The following H2BC15 variants were observed in gnomAD, a reference collection of about 807,000 sequenced individuals.
H2BC15 encodes the protein histone H2B type 1-N.
H2BC15 carries 5 observed loss-of-function variants against 6.6 expected under a neutral mutation model. The observed-to-expected ratio is 0.75, with a 90% confidence interval of 0.39 to 1.59. H2BC15 has a LOEUF of 1.59. H2BC15 is among the 40% of genes most tolerant of loss of function. H2BC15 has a pLI of 0.02. For synonymous variants in H2BC15, 87 were observed against 75.2 expected (o/e 1.16, Z -0.81); for missense variants, 148 against 169.4 (o/e 0.87, Z 0.70).
chr6:27,838,949 G>C lies in H2BC15; in HGVS notation c.288G>C (p.Gln96His), dbSNP rs1761094529. ...CGACCATCACCTCCAGGGAGATCCA[G>C]ACGGCCGTGCGCCTGCTGCTGCCAG... ...KRSTITSREI[Q>H]TAVRLLLPGE... The change falls in exon 1 of 1, where the codon CAG (glutamine) becomes CAC (histidine). Residue 96 changes from glutamine (Q) to histidine (H), a missense_variant. Gln to His is a conservative substitution (Grantham distance 24, BLOSUM62 0). Transcript: ENST00000612898. 1 of 1,614,258 alleles carries C rather than the reference G, an allele frequency of 6.2e-7. No individual in the cohort carries two copies. The highest frequency in any genetic ancestry group is 2.2e-5 in the East Asian group (1 of 44,888).
rs1395196951 is a variant in H2BC15, at chr6:27,839,078, C to G, written c.*36C>G. Reference sequence around the variant, plus strand: ...CGCGGAACGTTCGGTCAGTCTCGGCCCACACCCCAAAGGCTCTTTTCAGAG... The same window carrying G: ...CGCGGAACGTTCGGTCAGTCTCGGCGCACACCCCAAAGGCTCTTTTCAGAG... On this transcript the variant is annotated 3_prime_UTR_variant, in exon 1 of 1. Transcript: ENST00000612898. 1 of 1,608,764 alleles carries G rather than the reference C, an allele frequency of 6.2e-7. No homozygotes were observed. Among genetic ancestry groups the G allele is most frequent in the Admixed American group, 1.7e-5 (1 of 59,376 alleles).
At position 27,839,065 on chromosome 6, in the gene H2BC15, G is replaced by A; in HGVS notation, c.*23G>A. ...TGAGCCCGCCCACCGCGGAACGTTCGGTCAGTCTCGGCCCACACCCCAAAG... is the reference window on the plus strand; with the variant it reads ...TGAGCCCGCCCACCGCGGAACGTTCAGTCAGTCTCGGCCCACACCCCAAAG... On this transcript the variant is annotated 3_prime_UTR_variant, in exon 1 of 1. Coordinates refer to ENST00000612898, the MANE Select transcript of H2BC15 (RefSeq NM_003520.4). 2.5e-6 allele frequency: 4 copies of A among 1,612,130 alleles called. No homozygotes were observed. Among genetic ancestry groups the A allele is most frequent in the African/African-American group, 1.3e-5 (1 of 75,056 alleles).
At position 27,838,644 on chromosome 6, in the gene H2BC15, C is replaced by T. The variant is rs1340054889; in HGVS notation, c.-18C>T. 1.9e-6 allele frequency: 3 copies of T among 1,609,802 alleles called. No homozygotes were observed. Among genetic ancestry groups the T allele is most frequent in the Non-Finnish European group, 2.5e-6 (3 of 1,178,228 alleles). ...TTCCTGTTTTTTTCCTCCAATTTTC[C>T]GGCAGTTACTCCCAGTCATGCCCGA... On this transcript the variant is annotated 5_prime_UTR_variant, in exon 1 of 1. Coordinates refer to ENST00000612898, the MANE Select transcript of H2BC15 (RefSeq NM_003520.4).
chr6:27,838,939 G>C lies in H2BC15; in HGVS notation c.278G>C (p.Arg93Thr). The C allele has an allele frequency of 6.2e-7, 1 of 1,614,238 alleles. No homozygotes were observed. Among genetic ancestry groups the C allele is most frequent in the Non-Finnish European group, 8.5e-7 (1 of 1,180,036 alleles). ...AACAAGCGCTCGACCATCACCTCCA[G>C]GGAGATCCAGACGGCCGTGCGCCTG... ...HYNKRSTITS[R>T]EIQTAVRLLL... Residue 93 changes from arginine (R) to threonine (T), a missense_variant, in exon 1 of 1, where the codon AGG becomes ACG. Transcript: ENST00000612898.
At position 27,838,969 on chromosome 6, in the gene H2BC15, TGCCAGGGGAGCTG is replaced by T; in HGVS notation, c.313_325del (p.Gly105SerfsTer?). The T allele has an allele frequency of 6.2e-7, 1 of 1,614,228 alleles. No homozygotes were observed. The highest frequency in any genetic ancestry group is 8.5e-7 in the Non-Finnish European group (1 of 1,180,034). On this transcript the variant is annotated frameshift_variant, in exon 1 of 1. Coordinates refer to ENST00000612898, the MANE Select transcript of H2BC15 (RefSeq NM_003520.4). LOFTEE classifies it high-confidence loss of function. ...ATCCAGACGGCCGTGCGCCTGCTGC[TGCCAGGGGAGCTG>T]GCCAAGCACGCGGTGTCGGAGGGCA...
In H2BC15 at chr6:27,838,574, C is replaced by A. The variant is rs141058151; in HGVS notation, c.-88C>A. Reference sequence around the variant, plus strand: ...ACAACTTCATTCTCTACCCCACTTGCGTTAAGAAGCAGTGAATAAGCGGTA... The same window carrying A: ...ACAACTTCATTCTCTACCCCACTTGAGTTAAGAAGCAGTGAATAAGCGGTA... On this transcript the variant is annotated 5_prime_UTR_variant, in exon 1 of 1. Coordinates refer to ENST00000612898, the MANE Select transcript of H2BC15 (RefSeq NM_003520.4). The A allele has an allele frequency of 5.8e-6, 9 of 1,557,708 alleles. No homozygotes were observed. Among genetic ancestry groups the A allele is most frequent in the Non-Finnish European group, 7.8e-6 (9 of 1,151,916 alleles).
chr6:27,838,683 G>C lies in H2BC15; in HGVS notation c.22G>C (p.Ala8Pro). 1 of 1,613,998 alleles carries C rather than the reference G, an allele frequency of 6.2e-7. No individual in the cohort carries two copies. The highest frequency in any genetic ancestry group is 8.5e-7 in the Non-Finnish European group (1 of 1,179,976). ...AGTCATGCCCGAGCCCTCAAAGTCC[G>C]CTCCTGCCCCGAAGAAAGGCTCCAA... MPEPSKSAPAPKKGSKKA... is the reference protein window; with the variant it reads MPEPSKSPPAPKKGSKKA... Residue 8 changes from alanine (A) to proline (P), a missense_variant, in exon 1 of 1, where the codon GCT (alanine) becomes CCT (proline). Ala to Pro is a conservative substitution (Grantham distance 27). This residue lies in a region of H2BC15 where 90 missense variants were observed against 74.7 expected (regional missense o/e 1.20). Transcript: ENST00000612898.
In H2BC15 at chr6:27,838,655, C is replaced by G. The variant is rs1340712490; in HGVS notation, c.-7C>G. The G allele has an allele frequency of 3.7e-6, 6 of 1,612,902 alleles. No homozygotes were observed. The highest frequency in any genetic ancestry group is 1.1e-5 in the South Asian group (1 of 91,022). On this transcript the variant is annotated 5_prime_UTR_variant, in exon 1 of 1. Coordinates refer to ENST00000612898, the MANE Select transcript of H2BC15 (RefSeq NM_003520.4). The stretch of plus-strand genomic sequence containing the variant: ...TTCCTCCAATTTTCCGGCAGTTACT[C>G]CCAGTCATGCCCGAGCCCTCAAAGT...
At position 27,839,027 on chromosome 6, in the gene H2BC15, C is replaced by T. The variant is rs1363889984; in HGVS notation, c.366C>T (p.Tyr122=). ...VSEGTKAVTK[Y]TSSK ...AGGGCACCAAGGCCGTCACCAAGTACACCAGTTCCAAGTGAGCCCGCCCAC... is the reference window on the plus strand; with the variant it reads ...AGGGCACCAAGGCCGTCACCAAGTATACCAGTTCCAAGTGAGCCCGCCCAC... The change falls in exon 1 of 1, where the codon TAC becomes TAT. Residue 122 remains tyrosine (Y), a synonymous_variant. Transcript: ENST00000612898. The T allele has an allele frequency of 6.2e-7, 1 of 1,614,134 alleles. No individual in the cohort carries two copies. The highest frequency in any genetic ancestry group is 2.2e-5 in the East Asian group (1 of 44,886).
rs1174364622 is a variant in H2BC15, at chr6:27,838,759, G to T, written c.98G>T (p.Ser33Ile). 6.2e-7 allele frequency: 1 copy of T among 1,614,258 alleles called. No individual in the cohort carries two copies. ...QKKDGKKRKR[S>I]RKESYSVYVY... is the part of the protein sequence containing the mutation. ...AAGGACGGCAAGAAGCGCAAGCGCA[G>T]CCGCAAGGAGAGCTACTCCGTGTAC... Residue 33 changes from serine to isoleucine, a missense_variant, in exon 1 of 1, where the codon AGC (serine) becomes ATC (isoleucine). Physicochemically the swap from Ser to Ile is moderately radical, Grantham distance 142 (BLOSUM62 -2). This residue lies in a region of H2BC15 where 90 missense variants were observed against 74.7 expected (regional missense o/e 1.20). Coordinates refer to ENST00000612898, the MANE Select transcript of H2BC15 (RefSeq NM_003520.4).
In H2BC15 at chr6:27,838,967, G is replaced by A. The variant is rs370870061; in HGVS notation, c.306G>A (p.Leu102=). The part of the protein sequence containing the change: ...SREIQTAVRL[L]LPGELAKHAV... ...AGATCCAGACGGCCGTGCGCCTGCT[G>A]CTGCCAGGGGAGCTGGCCAAGCACG... Residue 102 remains leucine, a synonymous_variant, in exon 1 of 1, where the codon CTG becomes CTA. Coordinates refer to ENST00000612898, the MANE Select transcript of H2BC15 (RefSeq NM_003520.4). 6.2e-7 allele frequency: 1 copy of A among 1,614,134 alleles called. No individual in the cohort carries two copies. Among genetic ancestry groups the A allele is most frequent in the African/African-American group, 1.3e-5 (1 of 74,954 alleles).
Position 27,838,715 on chromosome 6 carries a change from A to G in H2BC15, c.54A>G (p.Ala18=). The change falls in exon 1 of 1, where the codon GCA becomes GCG. Residue 18 remains alanine (A), a synonymous_variant. Transcript: ENST00000612898. ...APAPKKGSKK[A]VTKAQKKDGK... ...CCCCGAAGAAAGGCTCCAAGAAGGC[A>G]GTGACAAAGGCCCAGAAGAAGGACG... is the stretch of plus-strand genomic sequence containing the variant. The G allele has an allele frequency of 6.2e-7, 1 of 1,614,236 alleles. No homozygotes were observed. Among genetic ancestry groups the G allele is most frequent in the Non-Finnish European group, 8.5e-7 (1 of 1,180,046 alleles).
chr6:27,839,025 T>C lies in H2BC15; in HGVS notation c.364T>C (p.Tyr122His). The C allele has an allele frequency of 6.2e-7, 1 of 1,614,104 alleles. No homozygotes were observed. Among genetic ancestry groups the C allele is most frequent in the South Asian group, 1.1e-5 (1 of 91,070 alleles). Residue 122 changes from tyrosine to histidine, a missense_variant, in exon 1 of 1, where the codon TAC becomes CAC. By Grantham distance (83) the Tyr-to-His change is moderately conservative. Around this residue, in one of 2 missense-constraint regions of H2BC15, gnomAD observed 58 missense variants for 94.6 expected, o/e 0.61. Coordinates refer to ENST00000612898, the MANE Select transcript of H2BC15 (RefSeq NM_003520.4). ...VSEGTKAVTKYTSSK is the reference protein window; with the variant it reads ...VSEGTKAVTKHTSSK ...GGAGGGCACCAAGGCCGTCACCAAG[T>C]ACACCAGTTCCAAGTGAGCCCGCCC...
chr6:27,838,973 A>C lies in H2BC15; in HGVS notation c.312A>C (p.Pro104=), dbSNP rs781502104. The C allele has an allele frequency of 4.3e-6, 7 of 1,614,118 alleles. No individual in the cohort carries two copies. Among genetic ancestry groups the C allele is most frequent in the South Asian group, 3.3e-5 (3 of 91,088 alleles). ...AGACGGCCGTGCGCCTGCTGCTGCC[A>C]GGGGAGCTGGCCAAGCACGCGGTGT... ...EIQTAVRLLL[P]GELAKHAVSE... is the part of the protein sequence containing the mutation. The change falls in exon 1 of 1, where the codon CCA becomes CCC. Residue 104 remains proline, a synonymous_variant. Coordinates refer to ENST00000612898, the MANE Select transcript of H2BC15 (RefSeq NM_003520.4).
At position 27,838,613 on chromosome 6, in the gene H2BC15, A is replaced by G; in HGVS notation, c.-49A>G. The G allele has an allele frequency of 6.2e-7, 1 of 1,605,028 alleles. No homozygotes were observed. The highest frequency in any genetic ancestry group is 8.5e-7 in the Non-Finnish European group (1 of 1,175,402). ...GAATAAGCGGTAGGTTGACAGAGCT[A>G]CCGTCTTCCTGTTTTTTTCCTCCAA... On this transcript the variant is annotated 5_prime_UTR_variant, in exon 1 of 1. Transcript: ENST00000612898.
rs1761083378 is a variant in H2BC15 at position 27,838,585 on chromosome 6, A to G, written c.-77A>G. On this transcript the variant is annotated 5_prime_UTR_variant, in exon 1 of 1. Transcript: ENST00000612898. ...CTCTACCCCACTTGCGTTAAGAAGC[A>G]GTGAATAAGCGGTAGGTTGACAGAG... 6.4e-7 allele frequency: 1 copy of G among 1,573,190 alleles called. No homozygotes were observed. Among genetic ancestry groups the G allele is most frequent in the Non-Finnish European group, 8.6e-7 (1 of 1,160,464 alleles).
chr6:27,838,682 C>G lies in H2BC15; in HGVS notation c.21C>G (p.Ser7=). MPEPSK[S]APAPKKGSKK... ...CAGTCATGCCCGAGCCCTCAAAGTC[C>G]GCTCCTGCCCCGAAGAAAGGCTCCA... The change falls in exon 1 of 1, where the codon TCC becomes TCG. Residue 7 remains serine, a synonymous_variant. Coordinates refer to ENST00000612898, the MANE Select transcript of H2BC15 (RefSeq NM_003520.4). 6.2e-7 allele frequency: 1 copy of G among 1,614,066 alleles called. No individual in the cohort carries two copies. Among genetic ancestry groups the G allele is most frequent in the South Asian group, 1.1e-5 (1 of 91,076 alleles).
At position 27,839,103 on chromosome 6, in the gene H2BC15, G is replaced by C; in HGVS notation, c.*61G>C. The stretch of plus-strand genomic sequence containing the variant: ...CCACACCCCAAAGGCTCTTTTCAGA[G>C]CCACTCAGTCTTCCCAAAGAGAACT... On this transcript the variant is annotated 3_prime_UTR_variant, in exon 1 of 1. Transcript: ENST00000612898. The C allele has an allele frequency of 1.3e-6, 2 of 1,579,534 alleles. No individual in the cohort carries two copies. Among genetic ancestry groups the C allele is most frequent in the Middle Eastern group, 3.4e-4 (2 of 5,854 alleles).
Position 27,838,787 on chromosome 6 carries a change from G to A in H2BC15, c.126G>A (p.Val42=), listed in dbSNP as rs768616181. ...GCAAGGAGAGCTACTCCGTGTACGTGTACAAGGTGCTGAAGCAGGTCCACC... is the reference window on the plus strand; with the variant it reads ...GCAAGGAGAGCTACTCCGTGTACGTATACAAGGTGCTGAAGCAGGTCCACC... The part of the protein sequence containing the change: ...RSRKESYSVY[V]YKVLKQVHPD... The change falls in exon 1 of 1, where the codon GTG becomes GTA. Residue 42 remains valine (V), a synonymous_variant. Transcript: ENST00000612898. 3.1e-6 allele frequency: 5 copies of A among 1,614,256 alleles called. No homozygotes were observed. Among genetic ancestry groups the A allele is most frequent in the Middle Eastern group, 1.6e-4 (1 of 6,062 alleles).
Sources: gnomAD v4.1 joint callset for allele counts on GRCh38, gnomAD v4.1.1 for gene constraint, gnomAD v4.1.1 regional missense constraint, MANE v1.5 for transcripts, NCBI Gene and HGNC (gene_info 2026-07-23, HGNC 2026-07-21) for gene names.